The following AJAP1 variants were observed in gnomAD, a reference collection of about 807,000 sequenced individuals.
AJAP1 encodes the protein adherens junctions associated protein 1, also known as adherens junction-associated protein 1.
Under a neutral mutation model 35.0 loss-of-function variants are expected in AJAP1, and 5 were observed. The ratio of observed to expected loss-of-function variants is 0.14; its 90% CI spans 0.07 to 0.30. The LOEUF is 0.30. AJAP1 is among the 10% of genes least tolerant of loss of function. AJAP1 has a pLI of 1.00. For missense variants in AJAP1, 586 were observed against 571.0 expected, an observed-to-expected ratio of 1.03 and a Z score of -0.27; for synonymous variants, 284 against 249.3, an observed-to-expected ratio of 1.14 and a Z score of -1.31.
At chr1:4,748,215 C>T (rs1384915783) in intron 2 of AJAP1, among the ~76,000 whole-genome samples, 4 of 152,138 alleles carry the variant, frequency 2.6e-5, no homozygotes, top group African/African-American at 9.7e-5. Context: ...TTGACCCTCA[C>T]CCTGGAAGAG....
chr1:4,685,696 C>A (rs1361919475), intron 1 of AJAP1, among the ~76,000 whole-genome samples: 1 of 152,198 alleles, frequency 6.6e-6, no homozygotes, highest in Non-Finnish European at 1.5e-5. Flanking sequence ...AAAGAAGGCT[C>A]CTTGGCGCCA....
chr1:4,757,857 T>C (rs1339528626), intron 2 of AJAP1, among the ~76,000 whole-genome samples: 1 of 152,170 alleles, frequency 6.6e-6, no homozygotes, highest in Non-Finnish European at 1.5e-5. Context: ...AGGTGTGTGA[T>C]ATGCTTTTGC....
chr1:4,661,788 A>G (rs1639004887), intron 1 of AJAP1, among the ~76,000 whole-genome samples: 1 of 152,240 alleles, frequency 6.6e-6, no homozygotes, highest in African/African-American at 2.4e-5. Context: ...GATTTTAAGT[A>G]AAAGGTTTAT....
chr1:4,783,047 C>T lies in AJAP1; in HGVS notation c.*562C>T, dbSNP rs1032525562. ...AAATATATAAATACAAACACACACA[C>T]ACACTTTTTTTGTACTGTAGCAATT... On this transcript the variant is annotated 3_prime_UTR_variant, in exon 6 of 6. Coordinates refer to ENST00000378191, the MANE Select transcript of AJAP1 (RefSeq NM_018836.4). 2.6e-6 allele frequency: 1 copy of T among 388,300 alleles called. No homozygotes were observed. The highest frequency in any genetic ancestry group is 4.5e-6 in the Non-Finnish European group (1 of 221,018). The allele number at this position is 388,300 out of a possible 1,614,324, so 24.1% of individuals were successfully genotyped here. A position where few individuals can be genotyped will look rare whatever the true frequency, so the allele number is the denominator to read the frequency against.
Position 4,792,184 on chromosome 1 carries a change from G to A in AJAP1, c.*9699G>A, listed in dbSNP as rs894950380. 7.2e-5 allele frequency: 11 copies of A among 151,816 alleles called. No individual in the cohort carries two copies. The highest frequency in any genetic ancestry group is 1.9e-4 in the East Asian group (1 of 5,190). 9.4% of individuals were successfully genotyped at this position (151,816 alleles called of 1,614,324 possible). On this transcript the variant is annotated 3_prime_UTR_variant, in exon 6 of 6. Coordinates refer to ENST00000378191, the MANE Select transcript of AJAP1 (RefSeq NM_018836.4). ...AAGCCTCTCTGTTTTCATGTTCTCC[G>A]TATATCTATACCACAGCTGTCTCTA...
In AJAP1 at chr1:4,669,969, A is replaced by G. The variant is rs561001757; in HGVS notation, c.29+14515A>G. Among the ~76,000 whole-genome samples the G allele has an allele frequency of 1.1e-4, 17 of 152,276 alleles. 1 individual carries two copies. Among genetic ancestry groups the G allele is most frequent in the Middle Eastern group, 3.4e-3 (1 of 294 alleles). On this transcript the variant is annotated intron_variant, in intron 1 of 5. Coordinates refer to ENST00000378191, the MANE Select transcript of AJAP1 (RefSeq NM_018836.4). The stretch of plus-strand genomic sequence containing the variant: ...TTCTTGGACACGGGCTTTATCCACA[A>G]TTGCCTAGTTACGGCACTGCTACAG...
rs1376603795 is a variant in AJAP1 at position 4,720,467 on chromosome 1, C to T, written c.829+7768C>T. On this transcript the variant is annotated intron_variant, in intron 2 of 5. Coordinates refer to ENST00000378191, the MANE Select transcript of AJAP1 (RefSeq NM_018836.4). The surrounding 1 kb of genome is among the most constrained non-coding windows in gnomAD (Gnocchi z 4.4). Reference sequence around the variant, plus strand: ...ATGTCAGGGACAAAGCTGGTGCCAGCGGAGAGAGCGCCCACCTTGGCTCAG... The same window carrying T: ...ATGTCAGGGACAAAGCTGGTGCCAGTGGAGAGAGCGCCCACCTTGGCTCAG... Among the ~76,000 whole-genome samples the T allele has an allele frequency of 6.6e-6, 1 of 152,176 alleles. No homozygotes were observed. Among genetic ancestry groups the T allele is most frequent in the Non-Finnish European group, 1.5e-5 (1 of 68,028 alleles).
At chr1:4,737,285 C>T (rs894678475) in intron 2 of AJAP1, among the ~76,000 whole-genome samples, 2 of 151,972 alleles carry the variant, frequency 1.3e-5, no homozygotes, top group South Asian at 4.2e-4. Context: ...CTGAGCCTGC[C>T]CCCTGGCTCT....
chr1:4,788,374 C>T lies in AJAP1; in HGVS notation c.*5889C>T, dbSNP rs1642201281. On this transcript the variant is annotated 3_prime_UTR_variant, in exon 6 of 6. Transcript: ENST00000378191. ...ACTGCTATCTTTTAAACCACCCCAGCCCTCAGTCGAACAGAAAGAATGAGC... is the reference window on the plus strand; with the variant it reads ...ACTGCTATCTTTTAAACCACCCCAGTCCTCAGTCGAACAGAAAGAATGAGC... 1 of 152,290 alleles carries T rather than the reference C, an allele frequency of 6.6e-6. No individual in the cohort carries two copies. The highest frequency in any genetic ancestry group is 1.5e-5 in the Non-Finnish European group (1 of 68,150). The allele number at this position is 152,290 out of a possible 1,614,324, so 9.4% of individuals were successfully genotyped here. A position where few individuals can be genotyped will look rare whatever the true frequency, so the allele number is the denominator to read the frequency against.
In AJAP1 at chr1:4,791,212, C is replaced by T. The variant is rs115439727; in HGVS notation, c.*8727C>T. The T allele has an allele frequency of 6.6e-6, 1 of 152,284 alleles. No homozygotes were observed. Among genetic ancestry groups the T allele is most frequent in the Non-Finnish European group, 1.5e-5 (1 of 68,032 alleles). The allele number at this position is 152,284 out of a possible 1,614,324, so 9.4% of individuals were successfully genotyped here. ...AGCCAGGATCAAGATCAGGTTGCTC[C>T]ACACATTTGCAGATCAGGAACCCCG... On this transcript the variant is annotated 3_prime_UTR_variant, in exon 6 of 6. Coordinates refer to ENST00000378191, the MANE Select transcript of AJAP1 (RefSeq NM_018836.4).
chr1:4,734,964 G>C lies in AJAP1; in HGVS notation c.829+22265G>C, dbSNP rs1443318760. On this transcript the variant is annotated intron_variant, in intron 2 of 5. Transcript: ENST00000378191. This position sits in a 1 kb window ranked among gnomAD's most constrained non-coding sequence, Gnocchi z 4.3. ...CTCCTCCGTCCATCGCCTGCAAGCT[G>C]AGCCGCGTGATGGAGCTCAGCCTGC... 2.0e-5 allele frequency among the ~76,000 whole-genome samples: 3 copies of C among 152,218 alleles called. No individual in the cohort carries two copies. The highest frequency in any genetic ancestry group is 7.2e-5 in the African/African-American group (3 of 41,454).
chr1:4,672,675 C>T (rs534959805), intron 1 of AJAP1, among the ~76,000 whole-genome samples: 4 of 152,178 alleles, frequency 2.6e-5, no homozygotes, highest in Non-Finnish European at 5.9e-5. Context: ...TGTGTGCATC[C>T]AGGCTGTGTG....
chr1:4,688,786 A>G (rs1357046030), intron 1 of AJAP1, among the ~76,000 whole-genome samples: 2 of 151,828 alleles, frequency 1.3e-5, no homozygotes, highest in African/African-American at 2.4e-5. Flanking sequence ...AAAAAAAAAA[A>G]AAAAAAAGAA....
intron 5 of AJAP1, chr1:4,777,824 A>G (rs1327714207): frequency 1.3e-5 from 2 of 152,206 alleles, no homozygotes; most frequent in African/African-American, 4.8e-5. Context: ...GTTCTTCCAA[A>G]ATATACATTA....
Position 4,787,105 on chromosome 1 carries a change from A to C in AJAP1, c.*4620A>C, listed in dbSNP as rs1642171016. Reference sequence around the variant, plus strand: ...CAACCCGTTCTGCATCACCATAATGAACCGATCAGTCATTCATCCTCTTAT... The same window carrying C: ...CAACCCGTTCTGCATCACCATAATGCACCGATCAGTCATTCATCCTCTTAT... On this transcript the variant is annotated 3_prime_UTR_variant, in exon 6 of 6. Transcript: ENST00000378191. 1 of 152,558 alleles carries C rather than the reference A, an allele frequency of 6.6e-6. No homozygotes were observed. The highest frequency in any genetic ancestry group is 6.5e-5 in the Admixed American group (1 of 15,300). The allele number at this position is 152,558 out of a possible 1,614,324, so 9.5% of individuals were successfully genotyped here.
intron 4 of AJAP1, 111 bp from the exon 5 acceptor site, chr1:4,774,316 G>T: frequency 1.0e-6 from 1 of 985,280 alleles, no homozygotes. Context: ...GTCCACATTA[G>T]TGCTTCCTTT....
intron 1 of AJAP1, among the ~76,000 whole-genome samples, chr1:4,678,717 C>T (rs564141524): frequency 6.6e-6 from 1 of 152,220 alleles, no homozygotes; most frequent in Non-Finnish European, 1.5e-5. Flanking sequence ...GTCCCACCCA[C>T]ACTCGAGGGA....
At position 4,720,627 on chromosome 1, in the gene AJAP1, T is replaced by G. The variant is rs1471694063; in HGVS notation, c.829+7928T>G. Among the ~76,000 whole-genome samples the G allele has an allele frequency of 6.6e-6, 1 of 152,188 alleles. No homozygotes were observed. The highest frequency in any genetic ancestry group is 1.5e-5 in the Non-Finnish European group (1 of 68,030). On this transcript the variant is annotated intron_variant, in intron 2 of 5. Coordinates refer to ENST00000378191, the MANE Select transcript of AJAP1 (RefSeq NM_018836.4). This position sits in a 1 kb window ranked among gnomAD's most constrained non-coding sequence, Gnocchi z 4.4. ...TCTGAGACTGGACCATGCCAGCACATGTGGGAAACTGAGCGCCATAGTGAG... is the reference window on the plus strand; with the variant it reads ...TCTGAGACTGGACCATGCCAGCACAGGTGGGAAACTGAGCGCCATAGTGAG...
At chr1:4,671,071 T>C (rs1271533830) in intron 1 of AJAP1, among the ~76,000 whole-genome samples, 1 of 152,202 alleles carries the variant, frequency 6.6e-6, no homozygotes, top group Non-Finnish European at 1.5e-5. Flanking sequence ...GTTGGTCTTT[T>C]AGAGTCTGCA....
Sources: allele counts gnomAD v4.1 joint callset (sites outside exome capture counted in the v4.1 genomes callset), GRCh38; gene constraint gnomAD v4.1.1; non-coding constraint Gnocchi (gnomAD v3.1); transcripts MANE v1.5; gene names NCBI Gene and HGNC (gene_info 2026-07-23, HGNC 2026-07-21).